NCKAP1: variants seen among roughly 807,000 people sequenced by gnomAD.
NCKAP1 encodes the protein NCK associated protein 1, also known as nck-associated protein 1.
In NCKAP1, 21 loss-of-function variants were observed where a neutral mutation model predicts 151.2. That is an observed-to-expected ratio of 0.14 (90% CI 0.10 to 0.20). The LOEUF is 0.20. Among genes scored for constraint, NCKAP1 ranks in the 10% least tolerant of loss-of-function variants. The probability of loss-of-function intolerance (pLI) is 1.00; values close to 1 mark genes in which losing one functional copy is unlikely to be tolerated. For missense variants in NCKAP1, 933 were observed against 1,352.1 expected (o/e 0.69, Z 4.86); for synonymous variants, 484 against 451.8 (o/e 1.07, Z -0.90).
At chr2:182,981,931 T>A (rs10201964) in intron 12 of NCKAP1, among the ~76,000 whole-genome samples, 27 of 140,918 alleles carry the variant, frequency 1.9e-4, no homozygotes, top group African/African-American at 2.1e-4. Flanking sequence ...AAAAAAAAAA[T>A]TTAAATTAAA....
Position 182,914,556 on chromosome 2 carries a change from C to A in NCKAP1, c.*11146G>T, listed in dbSNP as rs1263634421. On this transcript the variant is annotated 3_prime_UTR_variant, in exon 31 of 31. Transcript: ENST00000361354. ...ATGCAATTTATATGAAACCCATTAC[C>A]CACTATAACCATCTTTGAGGACACT... 6.6e-6 allele frequency: 1 copy of A among 152,064 alleles called. No homozygotes were observed. Among genetic ancestry groups the A allele is most frequent in the Non-Finnish European group, 1.5e-5 (1 of 68,018 alleles). The allele number at this position is 152,064 out of a possible 1,614,324, so 9.4% of individuals were successfully genotyped here.
rs576889987 is a variant in NCKAP1 at position 183,038,235 on chromosome 2, C to A, written c.-136G>T. On this transcript the variant is annotated 5_prime_UTR_variant, in exon 1 of 31. Coordinates refer to ENST00000361354, the MANE Select transcript of NCKAP1 (RefSeq NM_013436.5). ...CTTAGGAGAGCGCGCCCATGGCCCT[C>A]GCGCCCCAATCCCGCGCCGGCGACA... 7.4e-5 allele frequency: 39 copies of A among 528,114 alleles called. No individual in the cohort carries two copies. Among genetic ancestry groups the A allele is most frequent in the African/African-American group, 6.3e-4 (31 of 49,416 alleles). The allele number at this position is 528,114 out of a possible 1,614,324, so 32.7% of individuals were successfully genotyped here.
Position 182,921,801 on chromosome 2 carries a change from C to A in NCKAP1, c.*3901G>T, listed in dbSNP as rs896897506. 3 of 150,996 alleles carry A rather than the reference C, an allele frequency of 2.0e-5. No individual in the cohort carries two copies. The highest frequency in any genetic ancestry group is 7.3e-5 in the African/African-American group (3 of 41,010). 9.4% of individuals were successfully genotyped at this position (150,996 alleles called of 1,614,324 possible). ...ATGTGTAGGGAAAGTTTGGTTCATG[C>A]AAAAATGAATGAAATTTTAATACAC... is the stretch of plus-strand genomic sequence containing the variant. On this transcript the variant is annotated 3_prime_UTR_variant, in exon 31 of 31. Coordinates refer to ENST00000361354, the MANE Select transcript of NCKAP1 (RefSeq NM_013436.5).
chr2:183,009,031 A>G (rs1257670635), intron 2 of NCKAP1, among the ~76,000 whole-genome samples: 1 of 152,124 alleles, frequency 6.6e-6, no homozygotes, highest in Non-Finnish European at 1.5e-5. Context: ...GGCAGTAAAT[A>G]TTTCAAAAAT....
At position 182,978,894 on chromosome 2, in the gene NCKAP1, C is replaced by A; in HGVS notation, c.1363G>T (p.Asp455Tyr). The A allele has an allele frequency of 6.2e-7, 1 of 1,608,344 alleles. No individual in the cohort carries two copies. The highest frequency in any genetic ancestry group is 1.1e-5 in the South Asian group (1 of 90,398). Reference protein sequence around the residue: ...LVQNLSVCPEDESIIMSSFVN... With the variant: ...LVQNLSVCPEYESIIMSSFVN... ...AAAGAGGACATGATGATTGATTCATCTTCAGGGCAAACAGAAAGATTCTGA... is the reference window on the plus strand; with the variant it reads ...AAAGAGGACATGATGATTGATTCATATTCAGGGCAAACAGAAAGATTCTGA... The change falls in exon 14 of 31, where the codon GAT becomes TAT. Residue 455 changes from aspartate to tyrosine, a missense_variant. Physicochemically the swap from Asp to Tyr is radical, Grantham distance 160. This residue lies in a region of NCKAP1 where 607 missense variants were observed against 795.0 expected (regional missense o/e 0.76). Transcript: ENST00000361354.
At chr2:182,994,912 G>A in intron 7 of NCKAP1, 25 bp from the exon 8 acceptor site, 1 of 1,561,292 alleles carries the variant, frequency 6.4e-7, no homozygotes, top group Non-Finnish European at 8.8e-7. Flanking sequence ...ATATACATTT[G>A]CAGTTAAAAG....
intron 1 of NCKAP1, among the ~76,000 whole-genome samples, chr2:183,025,892 G>A (rs1026743441): frequency 1.3e-5 from 2 of 152,144 alleles, no homozygotes; most frequent in African/African-American, 4.8e-5. Flanking sequence ...TTTTTCATAT[G>A]TGTTGTCTTT....
In NCKAP1 at chr2:182,952,921, T is replaced by C; in HGVS notation, c.2375A>G (p.Tyr792Cys). 1 of 1,609,338 alleles carries C rather than the reference T, an allele frequency of 6.2e-7. No homozygotes were observed. Among genetic ancestry groups the C allele is most frequent in the Non-Finnish European group, 8.5e-7 (1 of 1,178,566 alleles). ...GACTTGTCGTAACAAAGTTTCCAAA[T>C]ACCTAAGGAGAAACGTAAACTTATA... is the stretch of plus-strand genomic sequence containing the variant. The part of the protein sequence containing the change: ...PTITSLYTNW[Y>C]LETLLRQVSN... The change falls in exon 22 of 31, where the codon TAT becomes TGT. Residue 792 changes from tyrosine (Y) to cysteine (C), a missense_variant and splice_region_variant. Tyr to Cys is a radical substitution (Grantham distance 194, BLOSUM62 -2). Around this residue, in one of 2 missense-constraint regions of NCKAP1, gnomAD observed 326 missense variants for 557.1 expected, o/e 0.59. Coordinates refer to ENST00000361354, the MANE Select transcript of NCKAP1 (RefSeq NM_013436.5).
chr2:182,989,543 T>A (rs1485119149), intron 8 of NCKAP1, among the ~76,000 whole-genome samples: 3 of 152,160 alleles, frequency 2.0e-5, no homozygotes, highest in African/African-American at 7.2e-5. Context: ...TTATAATAAC[T>A]TAAAAATAAA....
chr2:182,940,509 A>G (rs755700242), intron 24 of NCKAP1, among the ~76,000 whole-genome samples: 27 of 151,858 alleles, frequency 1.8e-4, no homozygotes, highest in Non-Finnish European at 3.4e-4. Context: ...GTGCTATCTC[A>G]GCCGACTGCA....
intron 18 of NCKAP1, among the ~76,000 whole-genome samples, chr2:182,960,397 G>A (rs1434984226): frequency 1.3e-5 from 2 of 152,082 alleles, no homozygotes; most frequent in Non-Finnish European, 2.9e-5. Context: ...TAGACCAATG[G>A]AACAGAACAA....
chr2:183,014,244 T>C (rs1022510732), intron 2 of NCKAP1, among the ~76,000 whole-genome samples: 1 of 152,170 alleles, frequency 6.6e-6, no homozygotes, highest in Non-Finnish European at 1.5e-5. Flanking sequence ...CAGTGGAGAA[T>C]GTGATGGAAA....
intron 8 of NCKAP1, among the ~76,000 whole-genome samples, chr2:182,991,637 T>C (rs1182185244): frequency 2.6e-5 from 4 of 151,720 alleles, no homozygotes; most frequent in African/African-American, 9.7e-5. Flanking sequence ...TCAATCTCCT[T>C]TACCAAAATT....
At chr2:182,958,305 A>C (rs1358701796) in intron 18 of NCKAP1, among the ~76,000 whole-genome samples, 1 of 151,986 alleles carries the variant, frequency 6.6e-6, no homozygotes, top group Non-Finnish European at 1.5e-5. Flanking sequence ...CACCCAGCTA[A>C]TTTTATTTGT....
chr2:183,017,658 G>A (rs1316779657), intron 2 of NCKAP1, among the ~76,000 whole-genome samples: 1 of 152,146 alleles, frequency 6.6e-6, no homozygotes, highest in Non-Finnish European at 1.5e-5. Context: ...TGGCCTGGGG[G>A]TTGGGGACCC....
intron 24 of NCKAP1, among the ~76,000 whole-genome samples, chr2:182,937,605 T>C (rs1370344503): frequency 6.6e-6 from 1 of 151,968 alleles, no homozygotes; most frequent in Non-Finnish European, 1.5e-5. Flanking sequence ...ATATAAAGAG[T>C]TATACGAAAA....
At chr2:183,024,406 T>C (rs1698849885) in intron 1 of NCKAP1, among the ~76,000 whole-genome samples, 1 of 152,162 alleles carries the variant, frequency 6.6e-6, no homozygotes, top group African/African-American at 2.4e-5. Flanking sequence ...GCTGCTAAAA[T>C]TGTCTTTATA....
chr2:183,033,164 A>G (rs1281733286), intron 1 of NCKAP1, among the ~76,000 whole-genome samples: 1 of 152,248 alleles, frequency 6.6e-6, no homozygotes, highest in Non-Finnish European at 1.5e-5. Flanking sequence ...CTGGTAATAC[A>G]GTACACTGCA....
chr2:182,942,268 T>A, intron 23 of NCKAP1, 105 bp from the exon 24 acceptor site: 1 of 792,616 alleles, frequency 1.3e-6, no homozygotes, highest in East Asian at 2.5e-5. Context: ...ACACAATTCA[T>A]GAAATCCAGA....
Sources: allele counts gnomAD v4.1 joint callset (sites outside exome capture counted in the v4.1 genomes callset), GRCh38; gene constraint gnomAD v4.1.1; regional missense constraint gnomAD v4.1.1; transcripts MANE v1.5; gene names NCBI Gene and HGNC (gene_info 2026-07-23, HGNC 2026-07-21).